CAMTA1: variants seen among roughly 807,000 people sequenced by gnomAD.
CAMTA1 encodes calmodulin-binding transcription activator 1.
Under a neutral mutation model 170.9 loss-of-function variants are expected in CAMTA1, and 27 were observed. The observed-to-expected ratio is 0.16, with a 90% confidence interval of 0.12 to 0.22. The LOEUF (loss-of-function observed/expected upper bound fraction) is 0.22, where lower values mean the gene tolerates loss of function less well. Among genes scored for constraint, CAMTA1 ranks in the 10% least tolerant of loss-of-function variants. CAMTA1 has a pLI of 1.00. For synonymous variants in CAMTA1, 833 were observed against 891.5 expected (o/e 0.93, Z 1.17); for missense variants, 1,619 against 2,217.2 (o/e 0.73, Z 5.42).
intron 4 of CAMTA1, among the ~76,000 whole-genome samples, chr1:7,192,735 T>A (rs1022027554): frequency 1.3e-5 from 2 of 152,122 alleles, no homozygotes; most frequent in Non-Finnish European, 2.9e-5. Flanking sequence ...ATTTAACAGA[T>A]GAAGGAGCGA....
chr1:7,048,852 C>T (rs1249401588), intron 3 of CAMTA1, among the ~76,000 whole-genome samples: 1 of 152,196 alleles, frequency 6.6e-6, no homozygotes, highest in Non-Finnish European at 1.5e-5. Context: ...TGTGACGAGG[C>T]CTTCCCCAAG....
intron 22 of CAMTA1, among the ~76,000 whole-genome samples, chr1:7,762,278 A>G (rs1350571237): frequency 6.6e-6 from 1 of 152,234 alleles, no homozygotes; most frequent in African/African-American, 2.4e-5. Context: ...TTAAACTTCT[A>G]TTTTGTATCC....
intron 3 of CAMTA1, among the ~76,000 whole-genome samples, chr1:6,851,493 T>G (rs535008890): frequency 6.6e-6 from 1 of 152,308 alleles, no homozygotes; most frequent in Non-Finnish European, 1.5e-5. Context: ...TTTGGAGTGA[T>G]GATAGCTGAG....
intron 4 of CAMTA1, among the ~76,000 whole-genome samples, chr1:7,159,702 C>G (rs1207091507): frequency 1.3e-5 from 2 of 152,048 alleles, no homozygotes; most frequent in Non-Finnish European, 2.9e-5. Flanking sequence ...CAGGATCATA[C>G]CTGGCTAATT....
chr1:7,123,171 G>C, intron 4 of CAMTA1, among the ~76,000 whole-genome samples: 1 of 152,106 alleles, frequency 6.6e-6, no homozygotes, highest in East Asian at 1.9e-4. Context: ...CTTGCCTCAT[G>C]GTTCTGGAGG....
chr1:7,630,721 C>T (rs1166079930), intron 6 of CAMTA1, among the ~76,000 whole-genome samples: 1 of 152,244 alleles, frequency 6.6e-6, no homozygotes, highest in Non-Finnish European at 1.5e-5. Context: ...GGGCAGCCTA[C>T]CTCTGCCCTC....
At chr1:7,153,092 G>A (rs565637002) in intron 4 of CAMTA1, among the ~76,000 whole-genome samples, 9 of 152,184 alleles carry the variant, frequency 5.9e-5, no homozygotes, top group Admixed American at 1.3e-4. Context: ...ATTGAATTGC[G>A]GTGGTTTGTC....
At chr1:7,319,576 C>T (rs919593663) in intron 5 of CAMTA1, among the ~76,000 whole-genome samples, 5 of 152,186 alleles carry the variant, frequency 3.3e-5, no homozygotes, top group African/African-American at 1.2e-4. Context: ...ATGAATTACC[C>T]AGTCTCAGCT....
chr1:7,232,485 A>G (rs1663023301), intron 4 of CAMTA1, among the ~76,000 whole-genome samples: 2 of 152,176 alleles, frequency 1.3e-5, no homozygotes, highest in Admixed American at 6.5e-5. Flanking sequence ...CAGAATTCCT[A>G]TCTTGGGTTA....
chr1:7,360,771 G>A (rs2085479684), intron 5 of CAMTA1, among the ~76,000 whole-genome samples: 1 of 152,244 alleles, frequency 6.6e-6, no homozygotes, highest in African/African-American at 2.4e-5. Context: ...TGCAGCAAGG[G>A]AAGGTGTGAT....
At chr1:6,848,135 C>T (rs544101502) in intron 3 of CAMTA1, among the ~76,000 whole-genome samples, 2 of 152,124 alleles carry the variant, frequency 1.3e-5, no homozygotes, top group South Asian at 4.2e-4. Flanking sequence ...AGCCACCACA[C>T]CAGCCTGGGT....
chr1:7,697,334 C>T (rs1334913383), intron 11 of CAMTA1, among the ~76,000 whole-genome samples: 1 of 152,202 alleles, frequency 6.6e-6, no homozygotes, highest in Non-Finnish European at 1.5e-5. Context: ...CCAGATCTTT[C>T]CATCCCCATT....
intron 3 of CAMTA1, among the ~76,000 whole-genome samples, chr1:7,061,249 C>T (rs1708159383): frequency 1.3e-5 from 2 of 152,242 alleles, no homozygotes; most frequent in South Asian, 2.1e-4. Context: ...CACTGAGACC[C>T]GGTCCTGCCC....
At chr1:6,921,008 A>G (rs143986561) in intron 3 of CAMTA1, among the ~76,000 whole-genome samples, 215 of 152,314 alleles carry the variant, frequency 1.4e-3, no homozygotes, top group African/African-American at 5.0e-3. Flanking sequence ...GCTCCTCGTT[A>G]TTTATGCAAA....
intron 6 of CAMTA1, among the ~76,000 whole-genome samples, chr1:7,480,396 AGTGTGT>A (rs377104355): frequency 6.9e-4 from 103 of 149,620 alleles, no homozygotes; most frequent in Non-Finnish European, 1.2e-3. Context: ...CGTATATGAG[AGTGTGT>A]GTGTGTGTGT....
chr1:6,958,086 AC>A (rs1200580153), intron 3 of CAMTA1, among the ~76,000 whole-genome samples: 2 of 152,144 alleles, frequency 1.3e-5, no homozygotes, highest in Admixed American at 1.3e-4. Flanking sequence ...GAGTGGACAT[AC>A]CCCATGGCTT....
chr1:7,523,257 A>G (rs1421269181), intron 6 of CAMTA1, among the ~76,000 whole-genome samples: 4 of 152,194 alleles, frequency 2.6e-5, no homozygotes, highest in Non-Finnish European at 5.9e-5. Context: ...TATCAGGTAG[A>G]GTGGGTTCTT....
At chr1:6,901,572 AC>A (rs1156554461) in intron 3 of CAMTA1, among the ~76,000 whole-genome samples, 1 of 152,256 alleles carries the variant, frequency 6.6e-6, no homozygotes, top group Non-Finnish European at 1.5e-5. Flanking sequence ...AGTTCTCTAG[AC>A]ATCTTAGGAT....
intron 5 of CAMTA1, among the ~76,000 whole-genome samples, chr1:7,404,566 C>T (rs1320320355): frequency 6.6e-6 from 1 of 152,194 alleles, no homozygotes; most frequent in Admixed American, 6.5e-5. Flanking sequence ...TATGTTGTAT[C>T]GTTGCTGGAG....
Sources: gnomAD v4.1 joint callset for allele counts (sites outside exome capture counted in the v4.1 genomes callset) on GRCh38, gnomAD v4.1.1 for gene constraint, MANE v1.5 for transcripts, NCBI Gene and HGNC (gene_info 2026-07-23, HGNC 2026-07-21) for gene names.